AUTS2: variants seen among roughly 807,000 people sequenced by gnomAD.
AUTS2 encodes autism susceptibility gene 2 protein.
A neutral mutation model predicts 112.4 loss-of-function variants in AUTS2; 17 were observed. The observed-to-expected ratio is 0.15, with a 90% CI of 0.10 to 0.23. The LOEUF is 0.23. Ranked by LOEUF, AUTS2 falls within the 10% of genes least tolerant of loss-of-function variation. The probability of loss-of-function intolerance (pLI) is 1.00; values close to 1 mark genes in which losing one functional copy is unlikely to be tolerated. For synonymous variants in AUTS2, 751 were observed against 702.7 expected (o/e 1.07, Z -1.09); for missense variants, 1,510 against 1,701.6 (o/e 0.89, Z 1.98).
chr7:70,540,555 C>T (rs894982735), intron 5 of AUTS2, among the ~76,000 whole-genome samples: 11 of 152,198 alleles, frequency 7.2e-5, no homozygotes, highest in African/African-American at 2.7e-4. Context: ...GGTGCAGGAG[C>T]AGTCAAGCCT....
intron 5 of AUTS2, among the ~76,000 whole-genome samples, chr7:70,450,828 G>A (rs1279495599): frequency 6.6e-6 from 1 of 152,154 alleles, no homozygotes; most frequent in Non-Finnish European, 1.5e-5. Flanking sequence ...AGGCATTTCT[G>A]AAGTGATGAT....
chr7:70,455,618 A>G (rs554219407), intron 5 of AUTS2, among the ~76,000 whole-genome samples: 2 of 152,214 alleles, frequency 1.3e-5, no homozygotes, highest in East Asian at 3.9e-4. Context: ...TACCCTGGAC[A>G]TTCCGATTCA....
chr7:70,266,977 A>T (rs1171717570), intron 4 of AUTS2, among the ~76,000 whole-genome samples: 2 of 152,182 alleles, frequency 1.3e-5, no homozygotes, highest in African/African-American at 4.8e-5. Flanking sequence ...GTGTTTCTTC[A>T]TAGTAACTCT....
At chr7:69,858,638 A>G (rs1792842218) in intron 1 of AUTS2, among the ~76,000 whole-genome samples, 1 of 152,248 alleles carries the variant, frequency 6.6e-6, no homozygotes, top group South Asian at 2.1e-4. Flanking sequence ...TCTCTGTCCC[A>G]TGTGATGCTT....
chr7:70,089,939 G>A (rs1479577613), intron 2 of AUTS2, among the ~76,000 whole-genome samples: 1 of 151,758 alleles, frequency 6.6e-6, no homozygotes, highest in Non-Finnish European at 1.5e-5. Flanking sequence ...CCCAGGAGGT[G>A]GAGGTTGCAG....
At chr7:69,744,670 C>CAAA (rs61451653) in intron 1 of AUTS2, among the ~76,000 whole-genome samples, 7 of 104,046 alleles carry the variant, frequency 6.7e-5, no homozygotes, top group African/African-American at 2.5e-4. Context: ...CCCCACACTA[C>CAAA]AAAAAAAAAA....
intron 1 of AUTS2, among the ~76,000 whole-genome samples, chr7:69,870,695 C>A (rs997436287): frequency 6.6e-6 from 1 of 151,790 alleles, no homozygotes; most frequent in Non-Finnish European, 1.5e-5. Flanking sequence ...GTATAAGTTA[C>A]AGGGCCCAGT....
At chr7:70,496,024 CCCCA>C (rs1377289212) in intron 5 of AUTS2, among the ~76,000 whole-genome samples, 30 of 109,312 alleles carry the variant, frequency 2.7e-4, no homozygotes, top group South Asian at 9.0e-4. Flanking sequence ...CACACACCCC[CCCCA>C]CACACATGCA....
rs143379765 is a variant in AUTS2, at chr7:70,547,018, G to A, written c.690+111237G>A. Among the ~76,000 whole-genome samples the A allele has an allele frequency of 3.6e-3, 545 of 152,188 alleles. 1 individual carries two copies. Among genetic ancestry groups the A allele is most frequent in the South Asian group, 0.014 (68 of 4,822 alleles). ...TTTATTCAAATATAATCTACATGCC[G>A]TAATATTCACCCGTACTAAGTGTAT... On this transcript the variant is annotated intron_variant, in intron 5 of 18. Transcript: ENST00000342771.
intron 1 of AUTS2, among the ~76,000 whole-genome samples, chr7:69,668,438 C>A (rs1584038523): frequency 1.3e-5 from 2 of 152,148 alleles, no homozygotes; most frequent in Admixed American, 6.5e-5. Flanking sequence ...TCAAAACAGG[C>A]CCACATTACT....
chr7:70,661,878 GA>G (rs530651596), intron 5 of AUTS2, among the ~76,000 whole-genome samples: 25 of 147,034 alleles, frequency 1.7e-4, no homozygotes, highest in African/African-American at 5.0e-4. Context: ...GTTGTTTGAA[GA>G]AAAAAAAAAG....
chr7:70,762,415 T>C (rs558910435), intron 6 of AUTS2, among the ~76,000 whole-genome samples: 1 of 151,974 alleles, frequency 6.6e-6, no homozygotes, highest in African/African-American at 2.4e-5. Context: ...TGGACTGTAG[T>C]ACACACCACC....
chr7:70,091,405 T>G (rs1803911337), intron 2 of AUTS2, among the ~76,000 whole-genome samples: 1 of 152,216 alleles, frequency 6.6e-6, no homozygotes, highest in African/African-American at 2.4e-5. Flanking sequence ...ACTATTCTGA[T>G]TCTCCTCAGC....
intron 4 of AUTS2, among the ~76,000 whole-genome samples, chr7:70,336,950 T>C (rs1003047193): frequency 4.6e-5 from 7 of 152,250 alleles, no homozygotes; most frequent in African/African-American, 1.7e-4. Context: ...TTTTAGTTTG[T>C]AGTTTGTTCT....
At position 70,610,452 on chromosome 7, in the gene AUTS2, T is replaced by TC. The variant is rs1347885450; in HGVS notation, c.691-88115dup. ...TTTTTTTTTTTTTTTTTTTTTTTTT[T>TC]CCTGACAGAGTCTCATTCTGTTGCC... On this transcript the variant is annotated intron_variant, in intron 5 of 18. Transcript: ENST00000342771. Among the ~76,000 whole-genome samples the TC allele has an allele frequency of 9.5e-4, 88 of 93,038 alleles. 2 individuals carry two copies. Among genetic ancestry groups the TC allele is most frequent in the African/African-American group, 3.7e-3 (81 of 22,012 alleles). The allele number at this position is 93,038 out of a possible 152,430, so 61.0% of individuals were successfully genotyped here.
At chr7:70,289,517 C>G (rs1263595497) in intron 4 of AUTS2, among the ~76,000 whole-genome samples, 2 of 152,164 alleles carry the variant, frequency 1.3e-5, no homozygotes. Flanking sequence ...CTCAGGCCCT[C>G]TTACCAGTAT....
At chr7:70,005,485 C>T (rs1799505661) in intron 2 of AUTS2, among the ~76,000 whole-genome samples, 2 of 152,142 alleles carry the variant, frequency 1.3e-5, no homozygotes, top group Admixed American at 6.6e-5. Flanking sequence ...AAGAAATGAC[C>T]TCTTCCCTTG....
chr7:69,698,618 TCA>T (rs995325728), intron 1 of AUTS2, among the ~76,000 whole-genome samples: 3 of 152,280 alleles, frequency 2.0e-5, no homozygotes, highest in Middle Eastern at 3.4e-3. Context: ...TTTAATGGCC[TCA>T]CAGTGCACAC....
At chr7:70,368,403 G>C (rs1360173610) in intron 4 of AUTS2, among the ~76,000 whole-genome samples, 1 of 152,154 alleles carries the variant, frequency 6.6e-6, no homozygotes, top group African/African-American at 2.4e-5. Context: ...AGTAGAGGTA[G>C]AGGAGTAGTT....
Sources: allele counts gnomAD v4.1 joint callset (sites outside exome capture counted in the v4.1 genomes callset), GRCh38; gene constraint gnomAD v4.1.1; transcripts MANE v1.5; gene names NCBI Gene and HGNC (gene_info 2026-07-23, HGNC 2026-07-21).